The following SAXO1 variants were observed in gnomAD, a reference collection of about 807,000 sequenced individuals.
SAXO1 encodes the protein 4930500O09Rik.
SAXO1 carries 21 observed loss-of-function variants against 17.5 expected under a neutral mutation model. The observed-to-expected ratio is 1.20, with a 90% CI of 0.85 to 1.72. SAXO1 has a LOEUF of 1.72. SAXO1 is among the 40% of genes most tolerant of loss of function. The probability of loss-of-function intolerance (pLI) is 0.00; values close to 1 mark genes in which losing one functional copy is unlikely to be tolerated. For synonymous variants in SAXO1, 274 were observed against 216.5 expected (o/e 1.27, Z -2.33); for missense variants, 843 against 596.0 (o/e 1.41, Z -4.32).
intron 1 of SAXO1, among the ~76,000 whole-genome samples, chr9:18,988,681 G>A (rs1388827855): frequency 6.6e-6 from 1 of 152,122 alleles, no homozygotes; most frequent in Non-Finnish European, 1.5e-5. Context: ...ATGTAACAAC[G>A]AGTATAATGC....
chr9:19,028,410 AT>A (rs1405611469), intron 1 of SAXO1, among the ~76,000 whole-genome samples: 1 of 152,140 alleles, frequency 6.6e-6, no homozygotes, highest in African/African-American at 2.4e-5. Context: ...TCGGAGTAGC[AT>A]TTTTTCAATA....
At position 18,928,771 on chromosome 9, in the gene SAXO1, T is replaced by G. The variant is rs1392194348; in HGVS notation, c.706A>C (p.Ser236Arg). 6 of 1,614,066 alleles carry G rather than the reference T, an allele frequency of 3.7e-6. No homozygotes were observed. Among genetic ancestry groups the G allele is most frequent in the Non-Finnish European group, 4.2e-6 (5 of 1,180,012 alleles). Residue 236 changes from serine to arginine, a missense_variant, in exon 4 of 4, where the codon AGC becomes CGC. Coordinates refer to ENST00000380534, the MANE Select transcript of SAXO1 (RefSeq NM_153707.4). ...TAGGATTGTTTTTGAGTGGTAAGGC[T>G]TTCAAAGGGGATTTCACAGGGCCTG... ...KFRPCEIPFE[S>R]LTTQKQSYRG... is the part of the protein sequence containing the mutation.
intron 2 of SAXO1, among the ~76,000 whole-genome samples, chr9:18,945,488 C>G (rs1438751755): frequency 6.6e-6 from 1 of 152,210 alleles, no homozygotes; most frequent in Non-Finnish European, 1.5e-5. Flanking sequence ...CAAAAGGCAC[C>G]CTTCTAGAGA....
chr9:19,009,440 T>C (rs1445690664), intron 1 of SAXO1, among the ~76,000 whole-genome samples: 1 of 152,118 alleles, frequency 6.6e-6, no homozygotes, highest in Non-Finnish European at 1.5e-5. Context: ...GATATAGCCA[T>C]GATGATATAA....
intron 1 of SAXO1, among the ~76,000 whole-genome samples, chr9:18,974,399 T>C (rs1180825011): frequency 1.3e-5 from 2 of 152,252 alleles, no homozygotes; most frequent in African/African-American, 4.8e-5. Context: ...TGTGTATCTA[T>C]ATAGAAGCAA....
chr9:18,953,133 A>G (rs1832107300), intron 1 of SAXO1, among the ~76,000 whole-genome samples: 1 of 152,230 alleles, frequency 6.6e-6, no homozygotes, highest in Non-Finnish European at 1.5e-5. Context: ...ACTGGCTACC[A>G]AAAATACCTC....
intron 1 of SAXO1, among the ~76,000 whole-genome samples, chr9:19,042,110 T>A (rs1258950945): frequency 4.7e-5 from 2 of 42,572 alleles, no homozygotes; most frequent in Non-Finnish European, 9.8e-5. Flanking sequence ...AATCTAATAA[T>A]CTAATTTTTT....
At chr9:19,021,715 T>A (rs1456530837) in intron 1 of SAXO1, among the ~76,000 whole-genome samples, 10 of 152,244 alleles carry the variant, frequency 6.6e-5, no homozygotes, top group African/African-American at 2.4e-4. Context: ...AGGTGGGTAC[T>A]TGGAGAACTT....
chr9:19,017,887 G>C (rs1835053389), intron 1 of SAXO1, among the ~76,000 whole-genome samples: 1 of 152,178 alleles, frequency 6.6e-6, no homozygotes, highest in African/African-American at 2.4e-5. Flanking sequence ...CATGGAACTG[G>C]CTGTGCACAG....
chr9:19,036,396 C>T (rs576078757), upstream of SAXO1, among the ~76,000 whole-genome samples: 14 of 152,200 alleles, frequency 9.2e-5, no homozygotes, highest in South Asian at 2.1e-3. Flanking sequence ...AAAATGTCTC[C>T]TGGGCATGTC....
intron 1 of SAXO1, among the ~76,000 whole-genome samples, chr9:19,000,659 C>T (rs1834228689): frequency 6.6e-6 from 1 of 152,006 alleles, no homozygotes; most frequent in South Asian, 2.1e-4. Flanking sequence ...ATCCTTCTGC[C>T]CTCCCCAAGT....
intron 1 of SAXO1, among the ~76,000 whole-genome samples, chr9:18,993,203 T>C (rs1030133725): frequency 3.9e-5 from 6 of 152,034 alleles, no homozygotes; most frequent in African/African-American, 1.2e-4. Context: ...GTTGCACCTA[T>C]CAACACGTCA....
At chr9:18,929,323 G>C (rs377618307) in intron 3 of SAXO1, among the ~76,000 whole-genome samples, 1 of 152,220 alleles carries the variant, frequency 6.6e-6, no homozygotes, top group Non-Finnish European at 1.5e-5. Context: ...ATGGTCGTGA[G>C]AGGATCCAGG....
chr9:18,938,378 G>A lies in SAXO1; in HGVS notation c.421+3259C>T, dbSNP rs138747145. Among the ~76,000 whole-genome samples, 18 of 152,194 alleles carry A rather than the reference G, an allele frequency of 1.2e-4. No individual in the cohort carries two copies. In the East Asian group the frequency reaches 3.5e-3, roughly 30 times the overall value. On this transcript the variant is annotated intron_variant, in intron 3 of 3. Transcript: ENST00000380534. ...AGCATCTGTTTCTGGGGAGGCCTCA[G>A]GGAGTTTTACTCATGGTGGAAGGCA...
intron 1 of SAXO1, among the ~76,000 whole-genome samples, chr9:18,997,996 C>G (rs978003941): frequency 6.6e-6 from 1 of 152,144 alleles, no homozygotes; most frequent in Admixed American, 6.5e-5. Context: ...TAGATAAAAC[C>G]TCTAACATGG....
chr9:19,047,452 A>G (rs577392854), intron 1 of SAXO1, among the ~76,000 whole-genome samples: 3 of 152,370 alleles, frequency 2.0e-5, no homozygotes, highest in South Asian at 2.1e-4. Flanking sequence ...AATAGAGGAA[A>G]TACATCATCA....
At chr9:19,023,864 G>C (rs1410438100) in intron 1 of SAXO1, among the ~76,000 whole-genome samples, 1 of 151,896 alleles carries the variant, frequency 6.6e-6, no homozygotes, top group Non-Finnish European at 1.5e-5. Context: ...AACAAAGGGG[G>C]CCAGGCACAG....
At chr9:18,958,995 T>A (rs1469620998) in intron 1 of SAXO1, among the ~76,000 whole-genome samples, 1 of 152,164 alleles carries the variant, frequency 6.6e-6, no homozygotes, top group South Asian at 2.1e-4. Context: ...AAGAAACGAC[T>A]TTTATATGTT....
At chr9:19,034,703 A>G (rs1003110122), upstream of SAXO1, among the ~76,000 whole-genome samples, 4 of 152,186 alleles carry the variant, frequency 2.6e-5, no homozygotes, top group Non-Finnish European at 4.4e-5. Flanking sequence ...TCAGAACTCT[A>G]CAGGGGAGGA....
Sources: gnomAD v4.1 joint callset for allele counts (sites outside exome capture counted in the v4.1 genomes callset) on GRCh38, gnomAD v4.1.1 for gene constraint, MANE v1.5 for transcripts, NCBI Gene and HGNC (gene_info 2026-07-23, HGNC 2026-07-21) for gene names.